Variants in PDGFRA observed in about 807,000 individuals in gnomAD.
PDGFRA encodes the protein platelet-derived growth factor receptor alpha.
PDGFRA carries 25 observed loss-of-function variants against 121.5 expected under a neutral mutation model. The ratio of observed to expected loss-of-function variants is 0.21; its 90% confidence interval spans 0.15 to 0.29. The LOEUF (loss-of-function observed/expected upper bound fraction) is 0.29. Among genes scored for constraint, PDGFRA ranks in the 10% least tolerant of loss-of-function variants. The pLI is 1.00. For synonymous variants in PDGFRA, 463 were observed against 494.8 expected (o/e 0.94, Z 0.85); for missense variants, 1,008 against 1,345.1 (o/e 0.75, Z 3.92).
intron 1 of PDGFRA, among the ~76,000 whole-genome samples, chr4:54,247,419 C>G (rs1281023653): frequency 1.3e-5 from 2 of 152,016 alleles, no homozygotes; most frequent in Admixed American, 6.6e-5. Context: ...TTCAATATAC[C>G]CAAATCAATA....
chr4:54,268,511 A>G (rs749615866), intron 7 of PDGFRA, among the ~76,000 whole-genome samples: 2 of 152,228 alleles, frequency 1.3e-5, no homozygotes, highest in Admixed American at 6.5e-5. Flanking sequence ...GTCAGAAATC[A>G]TCTCAGAAAG....
In PDGFRA at chr4:54,298,049, T is replaced by C. The variant is rs941242870; in HGVS notation, c.*2777T>C. On this transcript the variant is annotated 3_prime_UTR_variant, in exon 23 of 23. Coordinates refer to ENST00000257290, the MANE Select transcript of PDGFRA (RefSeq NM_006206.6). ...CTGTTGCACTTTTGAATGTCCAAAA[T>C]TTATATTTTAGAAATAATAAAAAGA... is the stretch of plus-strand genomic sequence containing the variant. The C allele has an allele frequency of 8.8e-6, 2 of 227,578 alleles. No homozygotes were observed. Among genetic ancestry groups the C allele is most frequent in the Non-Finnish European group, 1.7e-5 (2 of 114,370 alleles). The allele number at this position is 227,578 out of a possible 1,614,324, so 14.1% of individuals were successfully genotyped here.
At chr4:54,268,684 TA>T (rs139487527) in intron 7 of PDGFRA, among the ~76,000 whole-genome samples, 22,146 of 152,116 alleles carry the variant, frequency 0.15, 1,935 homozygotes, top group Admixed American at 0.27. Context: ...TATAGAATAG[TA>T]AAGGAAAAAT....
Position 54,236,944 on chromosome 4 carries a change from T to C in PDGFRA, c.-13+7529T>C, listed in dbSNP as rs532936205. Among the ~76,000 whole-genome samples the C allele has an allele frequency of 3.3e-5, 5 of 152,282 alleles. No homozygotes were observed. The South Asian group carries it at 1.0e-3, about 32-fold the overall frequency. ...ACATGTTTATTCTCTTCCTTCCTGA[T>C]GGCTTGCTCAGAGGACCTGTTTCCA... On this transcript the variant is annotated intron_variant, in intron 1 of 22. Transcript: ENST00000257290.
chr4:54,258,610 C>A, intron 1 of PDGFRA, 147 bp from the exon 2 acceptor site: 1 of 700,174 alleles, frequency 1.4e-6, no homozygotes. Context: ...AGGCGTCTTA[C>A]TGTTTGAACC....
intron 16 of PDGFRA, among the ~76,000 whole-genome samples, chr4:54,282,903 C>G (rs935905977): frequency 1.3e-5 from 2 of 152,244 alleles, no homozygotes; most frequent in Admixed American, 1.3e-4. Context: ...CACAGAAGTT[C>G]AGAACCCAGC....
At chr4:54,259,566 A>G (rs1219150349) in intron 2 of PDGFRA, among the ~76,000 whole-genome samples, 1 of 152,150 alleles carries the variant, frequency 6.6e-6, no homozygotes, top group Non-Finnish European at 1.5e-5. Context: ...TCCTCCAGAT[A>G]TTTATGCACT....
At chr4:54,292,974 G>A (rs772768974) in intron 22 of PDGFRA, among the ~76,000 whole-genome samples, 12 of 151,984 alleles carry the variant, frequency 7.9e-5, no homozygotes, top group African/African-American at 1.7e-4. Flanking sequence ...ACATCAAACC[G>A]CCATGACATG....
intron 6 of PDGFRA, 39 bp from the exon 7 acceptor site, chr4:54,267,513 G>A (rs1372878391): frequency 1.9e-6 from 3 of 1,613,602 alleles, no homozygotes; most frequent in Admixed American, 1.7e-5. Context: ...GGATCCATAT[G>A]TGGTAATCAT....
intron 22 of PDGFRA, among the ~76,000 whole-genome samples, chr4:54,294,480 T>G (rs577628244): frequency 6.6e-6 from 1 of 152,130 alleles, no homozygotes; most frequent in Non-Finnish European, 1.5e-5. Context: ...ACTTTCTCAG[T>G]TGAAGTTCAC....
intron 1 of PDGFRA, among the ~76,000 whole-genome samples, chr4:54,255,869 C>T (rs916664738): frequency 1.1e-4 from 17 of 151,944 alleles, no homozygotes; most frequent in African/African-American, 1.9e-4. Flanking sequence ...ATTATGTATA[C>T]GTATTTTAGC....
rs145058182 is a variant in PDGFRA, at chr4:54,270,952, C to T, written c.1237+204C>T. Among the ~76,000 whole-genome samples the T allele has an allele frequency of 5.1e-3, 775 of 152,094 alleles. 13 individuals are homozygous for T. The highest frequency in any genetic ancestry group is 0.038 in the Admixed American group (580 of 15,278). ...AGGTTCTGGGTTACTCTAGAGTAGG[C>T]GAGGAATCCCTAGGCTCCACCAGCT... On this transcript the variant is annotated intron_variant, in intron 8 of 22. Transcript: ENST00000257290.
At chr4:54,286,835 A>G (rs1724388522) in intron 18 of PDGFRA, among the ~76,000 whole-genome samples, 1 of 152,148 alleles carries the variant, frequency 6.6e-6, no homozygotes, top group Non-Finnish European at 1.5e-5. Context: ...AAAGATACTC[A>G]TTTTGTTGTC....
chr4:54,260,415 T>TTG (rs1329202009), intron 2 of PDGFRA, among the ~76,000 whole-genome samples: 45 of 141,504 alleles, frequency 3.2e-4, no homozygotes, highest in Middle Eastern at 3.5e-3. Flanking sequence ...TTTTTTTTTT[T>TTG]TTTTTTTTTT....
In PDGFRA at chr4:54,265,061, CA is replaced by C. The variant is rs1360403895; in HGVS notation, c.759+16del. ...ACCCTGGAGAAGTGGTAGGTACCCT[CA>C]AAACGTGCAATGGCTTGGAGCAGAG... On this transcript the variant is annotated intron_variant, in intron 5 of 22. Transcript: ENST00000257290. The C allele has an allele frequency of 1.2e-6, 2 of 1,613,232 alleles. No homozygotes were observed. The highest frequency in any genetic ancestry group is 1.7e-6 in the Non-Finnish European group (2 of 1,179,386).
In PDGFRA at chr4:54,261,607, A is replaced by T. The variant is rs1722720044; in HGVS notation, c.367+195A>T. Among the ~76,000 whole-genome samples, 4 of 152,058 alleles carry T rather than the reference A, an allele frequency of 2.6e-5. No homozygotes were observed. In the South Asian group the frequency reaches 8.3e-4, roughly 31 times the overall value. On this transcript the variant is annotated intron_variant, in intron 3 of 22. Coordinates refer to ENST00000257290, the MANE Select transcript of PDGFRA (RefSeq NM_006206.6). ...TTGTTAGCATTTCAGAGCTGTATTAAGTTTGGAAAGTCATCTTTGTTATGA... is the reference window on the plus strand; with the variant it reads ...TTGTTAGCATTTCAGAGCTGTATTATGTTTGGAAAGTCATCTTTGTTATGA...
chr4:54,230,217 T>A (rs911731094), intron 1 of PDGFRA: 1 of 152,672 alleles, frequency 6.5e-6, no homozygotes, highest in East Asian at 2.0e-4. Context: ...GTCAGTGAGG[T>A]GCCAGGGAGA....
rs1337241636 is a variant in PDGFRA, at chr4:54,263,724, A to T, written c.425A>T (p.Asp142Val). 1 of 1,613,878 alleles carries T rather than the reference A, an allele frequency of 6.2e-7. No homozygotes were observed. The highest frequency in any genetic ancestry group is 1.7e-5 in the Admixed American group (1 of 60,006). ...GMTDYLVIVE[D>V]DDSAIIPCRT... ...ACGGATTATTTAGTCATCGTGGAGG[A>T]TGATGATTCTGCCATTATACCTTGT... Residue 142 changes from aspartate (D) to valine (V), a missense_variant, in exon 4 of 23, where the codon GAT becomes GTT. Asp to Val is a radical substitution (Grantham distance 152). Coordinates refer to ENST00000257290, the MANE Select transcript of PDGFRA (RefSeq NM_006206.6).
intron 12 of PDGFRA, among the ~76,000 whole-genome samples, chr4:54,275,209 A>G (rs1723654088): frequency 6.6e-6 from 1 of 152,176 alleles, no homozygotes; most frequent in African/African-American, 2.4e-5. Context: ...ACAAAGGGAG[A>G]AGAGAATATG....
Sources: gnomAD v4.1 joint callset for allele counts (sites outside exome capture counted in the v4.1 genomes callset) on GRCh38, gnomAD v4.1.1 for gene constraint, MANE v1.5 for transcripts, NCBI Gene and HGNC (gene_info 2026-07-23, HGNC 2026-07-21) for gene names.